Variants in FRMD4A observed in about 807,000 individuals in gnomAD.
FRMD4A encodes FERM domain containing 4A.
Under a neutral mutation model 129.1 loss-of-function variants are expected in FRMD4A, and 29 were observed. The ratio of observed to expected loss-of-function variants is 0.22; its 90% CI spans 0.17 to 0.31. The LOEUF is 0.31. FRMD4A is among the 10% of genes least tolerant of loss of function. The pLI is 1.00. For synonymous variants in FRMD4A, 634 were observed against 571.6 expected, an observed-to-expected ratio of 1.11 and a Z score of -1.56; for missense variants, 1,272 against 1,375.8, an observed-to-expected ratio of 0.92 and a Z score of 1.19.
At chr10:14,114,390 A>G (rs973199490) in intron 2 of FRMD4A, among the ~76,000 whole-genome samples, 1 of 152,220 alleles carries the variant, frequency 6.6e-6, no homozygotes, top group Non-Finnish European at 1.5e-5. Context: ...GAAAGGGCAT[A>G]TACCCATGCT....
At chr10:13,707,405 C>T in intron 12 of FRMD4A, 13 of 1,094,142 alleles carry the variant, frequency 1.2e-5, no homozygotes, top group Non-Finnish European at 1.4e-5. Context: ...TTGGTTTGGT[C>T]GTGGCAGTCC....
chr10:14,066,067 T>C (rs1402225425), intron 2 of FRMD4A, among the ~76,000 whole-genome samples: 1 of 118,242 alleles, frequency 8.5e-6, no homozygotes, highest in Non-Finnish European at 1.8e-5. Flanking sequence ...GGGATGAGGA[T>C]AGAGAATGGT....
intron 2 of FRMD4A, among the ~76,000 whole-genome samples, chr10:13,986,810 G>A (rs545674306): frequency 6.6e-6 from 1 of 151,966 alleles, no homozygotes; most frequent in Admixed American, 6.6e-5. Context: ...CTAGGGTACA[G>A]CCAAGGAGAA....
chr10:14,169,586 T>A (rs947807794), intron 2 of FRMD4A, among the ~76,000 whole-genome samples: 1 of 152,200 alleles, frequency 6.6e-6, no homozygotes, highest in Admixed American at 6.5e-5. Flanking sequence ...GATTTTGTCC[T>A]TGTTCTTTGG....
At chr10:13,886,464 G>T (rs1233783796) in intron 2 of FRMD4A, among the ~76,000 whole-genome samples, 1 of 152,218 alleles carries the variant, frequency 6.6e-6, no homozygotes, top group Non-Finnish European at 1.5e-5. Context: ...ATTACTAACT[G>T]AGGAAGAGGG....
At position 13,800,450 on chromosome 10, in the gene FRMD4A, C is replaced by T. The variant is rs559016327; in HGVS notation, c.207-3862G>A. 8.5e-5 allele frequency among the ~76,000 whole-genome samples: 13 copies of T among 152,276 alleles called. No homozygotes were observed. In the East Asian group the frequency reaches 2.5e-3, roughly 29 times the overall value. On this transcript the variant is annotated intron_variant, in intron 4 of 24. Coordinates refer to ENST00000357447, the MANE Select transcript of FRMD4A (RefSeq NM_018027.5). Reference sequence around the variant, plus strand: ...TTTTCATTATTCTCACAAGACAAGGCTTTCAATCACCCACAGACTGGAATG... The same window carrying T: ...TTTTCATTATTCTCACAAGACAAGGTTTTCAATCACCCACAGACTGGAATG...
chr10:14,012,822 C>T (rs944714042), intron 2 of FRMD4A, among the ~76,000 whole-genome samples: 20 of 152,174 alleles, frequency 1.3e-4, no homozygotes, highest in African/African-American at 4.8e-4. Context: ...TGAGGCTGGC[C>T]TGTCTGTCCC....
Position 13,656,792 on chromosome 10 carries a change from G to T in FRMD4A, c.2797C>A (p.Gln933Lys). The T allele has an allele frequency of 6.3e-7, 1 of 1,592,366 alleles. No homozygotes were observed. The change falls in exon 22 of 25, where the codon CAG becomes AAG. Residue 933 changes from glutamine to lysine, a missense_variant. Around this residue, in one of 2 missense-constraint regions of FRMD4A, gnomAD observed 972 missense variants for 892.3 expected, o/e 1.09. Coordinates refer to ENST00000357447, the MANE Select transcript of FRMD4A (RefSeq NM_018027.5). ...TCCTTGTGCGAGGCGGTGGAACGCT[G>T]GTACCACTGGCGCAGCTCGTCTGAG... Reference protein sequence around the residue: ...AVSDELRQWYQRSTASHKEHS... With the variant: ...AVSDELRQWYKRSTASHKEHS...
rs555566671 is a variant in FRMD4A, at chr10:13,747,869, G to A, written c.465-50C>T. ...GCACTCACCCTCTGAGAAAATAATC[G>A]CACTCTCTGATACCACTTGGGCCGC... is the stretch of plus-strand genomic sequence containing the variant. On this transcript the variant is annotated intron_variant, in intron 8 of 24. Coordinates refer to ENST00000357447, the MANE Select transcript of FRMD4A (RefSeq NM_018027.5). 3.5e-5 allele frequency: 35 copies of A among 1,010,686 alleles called. No homozygotes were observed. The East Asian group carries it at 6.4e-4, about 19-fold the overall frequency. 62.6% of individuals were successfully genotyped at this position (1,010,686 alleles called of 1,614,324 possible).
At position 13,697,648 on chromosome 10, in the gene FRMD4A, A is replaced by G. The variant is rs1589427273; in HGVS notation, c.976-3609T>C. Among the ~76,000 whole-genome samples the G allele has an allele frequency of 2.0e-5, 3 of 152,070 alleles. No individual in the cohort carries two copies. The East Asian group carries it at 5.8e-4, about 29-fold the overall frequency. ...CACGTGACTCAGTCTTCTGTCTGAT[A>G]TTGTGGGAACAAAGCTTCAATGTCC... is the stretch of plus-strand genomic sequence containing the variant. On this transcript the variant is annotated intron_variant, in intron 14 of 24. Coordinates refer to ENST00000357447, the MANE Select transcript of FRMD4A (RefSeq NM_018027.5).
chr10:13,707,061 G>GA lies in FRMD4A; in HGVS notation c.811dup (p.Ser271PhefsTer6). ...CCTGCGTGGGTCATGAACTTCCACGGAAAACTTCTTTTCTCTGAAGTACAG... is the reference window on the plus strand; with the variant it reads ...CCTGCGTGGGTCATGAACTTCCACGGAAAAACTTCTTTTCTCTGAAGTACAG... On this transcript the variant is annotated frameshift_variant, in exon 13 of 25. Transcript: ENST00000357447. LOFTEE classifies it high-confidence loss of function. The GA allele has an allele frequency of 6.3e-7, 1 of 1,592,652 alleles. No individual in the cohort carries two copies. Among genetic ancestry groups the GA allele is most frequent in the Non-Finnish European group, 8.6e-7 (1 of 1,160,504 alleles).
chr10:13,782,495 G>C (rs1464742513), intron 6 of FRMD4A, among the ~76,000 whole-genome samples: 1 of 150,290 alleles, frequency 6.7e-6, no homozygotes, highest in East Asian at 2.0e-4. Context: ...CCAGGCTGGA[G>C]TGCAGTGGCG....
intron 2 of FRMD4A, among the ~76,000 whole-genome samples, chr10:13,997,464 C>T (rs771316995): frequency 6.6e-6 from 1 of 152,054 alleles, no homozygotes; most frequent in Non-Finnish European, 1.5e-5. Context: ...CCCCACTGTG[C>T]CTGTTTTTCT....
At chr10:14,321,893 T>C (rs1026346420) in intron 2 of FRMD4A, among the ~76,000 whole-genome samples, 2 of 152,096 alleles carry the variant, frequency 1.3e-5, no homozygotes, top group Admixed American at 6.5e-5. Flanking sequence ...GCTGTTCTTG[T>C]GACAGTGAGT....
chr10:14,029,129 T>C (rs1833115332), intron 2 of FRMD4A, among the ~76,000 whole-genome samples: 3 of 152,218 alleles, frequency 2.0e-5, no homozygotes, highest in Non-Finnish European at 4.4e-5. Flanking sequence ...GTTTTTAAAT[T>C]CAGAACCGTT....
chr10:14,145,946 C>T (rs1325715290), intron 2 of FRMD4A, among the ~76,000 whole-genome samples: 1 of 152,222 alleles, frequency 6.6e-6, no homozygotes, highest in Non-Finnish European at 1.5e-5. Context: ...ATCACAGGCA[C>T]TTGAAGGCAG....
At chr10:13,786,056 G>A (rs1045828403) in intron 5 of FRMD4A, among the ~76,000 whole-genome samples, 4 of 152,238 alleles carry the variant, frequency 2.6e-5, no homozygotes, top group African/African-American at 7.2e-5. Context: ...AGTCTTTGCT[G>A]TTGTGAATAG....
intron 3 of FRMD4A, among the ~76,000 whole-genome samples, chr10:13,856,018 CT>C (rs1172191619): frequency 4.3e-5 from 1 of 23,118 alleles, no homozygotes; most frequent in East Asian, 1.4e-3. Context: ...CAAATACTAT[CT>C]ATCTATCTAT....
chr10:14,209,195 A>T (rs1842869260), intron 2 of FRMD4A, among the ~76,000 whole-genome samples: 1 of 151,744 alleles, frequency 6.6e-6, no homozygotes, highest in African/African-American at 2.4e-5. Context: ...GTCTCTCCTG[A>T]CACTTTTCTT....
Sources: gnomAD v4.1 joint callset for allele counts (sites outside exome capture counted in the v4.1 genomes callset) on GRCh38, gnomAD v4.1.1 for gene constraint, gnomAD v4.1.1 regional missense constraint, MANE v1.5 for transcripts, NCBI Gene and HGNC (gene_info 2026-07-23, HGNC 2026-07-21) for gene names.